NOL11: variants seen among roughly 807,000 people sequenced by gnomAD.
NOL11 encodes the protein nucleolar protein 11.
In NOL11, 42 loss-of-function variants were observed where a neutral mutation model predicts 93.0. That is an observed-to-expected ratio of 0.45 (90% CI 0.35 to 0.58). The LOEUF (loss-of-function observed/expected upper bound fraction) is 0.58, where lower values mean the gene tolerates loss of function less well. NOL11 is among the 20% of genes least tolerant of loss of function. NOL11 has a pLI of 0.00. For synonymous variants in NOL11, 296 were observed against 293.7 expected (o/e 1.01, Z -0.08); for missense variants, 775 against 841.8 (o/e 0.92, Z 0.98).
chr17:67,728,867 A>G (rs545003236), intron 7 of NOL11, among the ~76,000 whole-genome samples: 1 of 152,348 alleles, frequency 6.6e-6, no homozygotes, highest in African/African-American at 2.4e-5. Context: ...TCCCATTGCC[A>G]GACATGAACC....
At chr17:67,732,457 C>T (rs922794411) in intron 7 of NOL11, among the ~76,000 whole-genome samples, 1 of 146,144 alleles carries the variant, frequency 6.8e-6, no homozygotes, top group Non-Finnish European at 1.5e-5. Flanking sequence ...CACCACTGCA[C>T]TCCAGCCTGG....
intron 6 of NOL11, among the ~76,000 whole-genome samples, chr17:67,726,177 A>G (rs2055090261): frequency 6.6e-6 from 1 of 152,210 alleles, no homozygotes; most frequent in African/African-American, 2.4e-5. Context: ...TAGATGATCT[A>G]TATTCTTGGG....
chr17:67,729,673 G>T lies in NOL11; in HGVS notation c.853+3025G>T, dbSNP rs879479224. Among the ~76,000 whole-genome samples, 35 of 152,156 alleles carry T rather than the reference G, an allele frequency of 2.3e-4. 1 individual carries two copies. The highest frequency in any genetic ancestry group is 1.4e-3 in the East Asian group (7 of 5,170). ...GGCTCACTGCAAGCTCCGCCCCCCG[G>T]GTTCATGCCATTCCCCTGACTCAGC... On this transcript the variant is annotated intron_variant, in intron 7 of 17. Coordinates refer to ENST00000253247, the MANE Select transcript of NOL11 (RefSeq NM_015462.5).
At chr17:67,724,411 G>C (rs1422080878) in intron 6 of NOL11, among the ~76,000 whole-genome samples, 1 of 147,448 alleles carries the variant, frequency 6.8e-6, no homozygotes, top group Non-Finnish European at 1.5e-5. Flanking sequence ...TCTGCTCACT[G>C]CAACCTCTGC....
chr17:67,735,507 T>C (rs750624210), intron 8 of NOL11, among the ~76,000 whole-genome samples: 2 of 152,074 alleles, frequency 1.3e-5, no homozygotes, highest in Non-Finnish European at 1.5e-5. Context: ...CATACCTGTC[T>C]TATTTTTACA....
intron 13 of NOL11, 48 bp from the exon 14 acceptor site, chr17:67,738,074 A>G (rs373782295): frequency 2.6e-6 from 4 of 1,550,546 alleles, no homozygotes; most frequent in African/African-American, 1.4e-5. Context: ...ATTTTTCCCA[A>G]AAGCTTGGTG....
In NOL11 at chr17:67,743,524, G is replaced by T; in HGVS notation, c.1981G>T (p.Val661Phe). The T allele has an allele frequency of 1.2e-6, 2 of 1,603,272 alleles. No individual in the cohort carries two copies. Among genetic ancestry groups the T allele is most frequent in the Non-Finnish European group, 1.7e-6 (2 of 1,172,380 alleles). ...CLLLDANFTVVVMMPEAKRLL... is the reference protein window; with the variant it reads ...CLLLDANFTVFVMMPEAKRLL... Reference sequence around the variant, plus strand: ...ACTTCTGGATGCAAATTTTACTGTTGTTGTAATGATGCCAGAAGCAAAGAG... The same window carrying T: ...ACTTCTGGATGCAAATTTTACTGTTTTTGTAATGATGCCAGAAGCAAAGAG... Residue 661 changes from valine to phenylalanine, a missense_variant, in exon 17 of 18, where the codon GTT (valine) becomes TTT (phenylalanine). By Grantham distance (50) the Val-to-Phe change is conservative. Coordinates refer to ENST00000253247, the MANE Select transcript of NOL11 (RefSeq NM_015462.5).
chr17:67,731,565 C>G (rs1024755667), intron 7 of NOL11, among the ~76,000 whole-genome samples: 1 of 152,186 alleles, frequency 6.6e-6, no homozygotes, highest in Non-Finnish European at 1.5e-5. Flanking sequence ...ATTTTTCTTT[C>G]GTTGCTTGTG....
At chr17:67,738,784 G>A (rs2055227631) in intron 14 of NOL11, 148 bp from the exon 15 acceptor site, 4 of 592,114 alleles carry the variant, frequency 6.8e-6, no homozygotes, top group East Asian at 2.8e-5. Flanking sequence ...GATCTCCAAT[G>A]ATTAGGAGAG....
chr17:67,741,152 C>G lies in NOL11; in HGVS notation c.1935+1544C>G, dbSNP rs147836590. ...TGGCACGATCTCGGCTCACTGCAAC[C>G]TCCGCCTCCAGGGTTCAAGTGATTC... is the stretch of plus-strand genomic sequence containing the variant. On this transcript the variant is annotated intron_variant, in intron 16 of 17. Coordinates refer to ENST00000253247, the MANE Select transcript of NOL11 (RefSeq NM_015462.5). 6.5e-3 allele frequency among the ~76,000 whole-genome samples: 989 copies of G among 152,256 alleles called. 11 individuals carry two copies. The highest frequency in any genetic ancestry group is 0.023 in the African/African-American group (952 of 41,546).
At chr17:67,735,545 G>T in intron 8 of NOL11, among the ~76,000 whole-genome samples, 1 of 149,980 alleles carries the variant, frequency 6.7e-6, no homozygotes. Context: ...GTTAAATTCC[G>T]GTTTGTAAAT....
intron 8 of NOL11, among the ~76,000 whole-genome samples, chr17:67,735,363 CTA>C (rs1285917871): frequency 2.0e-5 from 3 of 151,066 alleles, no homozygotes; most frequent in South Asian, 2.1e-4. Flanking sequence ...GTAATTTTAA[CTA>C]TTCACAATTT....
chr17:67,722,901 G>C (rs1382702244), intron 5 of NOL11, among the ~76,000 whole-genome samples: 2 of 152,078 alleles, frequency 1.3e-5, no homozygotes, highest in Admixed American at 1.3e-4. Context: ...TATTGCTCAG[G>C]CTGGTCTCGA....
intron 7 of NOL11, among the ~76,000 whole-genome samples, chr17:67,733,216 T>C (rs1490320211): frequency 2.6e-5 from 4 of 151,822 alleles, no homozygotes; most frequent in African/African-American, 7.3e-5. Flanking sequence ...ATTACAAAAA[T>C]TAGCTGGGCG....
rs1016079435 is a variant in NOL11 at position 67,738,446 on chromosome 17, G to A, written c.1763+91G>A. The A allele has an allele frequency of 8.8e-6, 7 of 795,182 alleles. No homozygotes were observed. In the African/African-American group the frequency reaches 1.2e-4, roughly 14 times the overall value. The allele number at this position is 795,182 out of a possible 1,614,324, so 49.3% of individuals were successfully genotyped here. ...ACCAAGGAGTAACTCAATAATTTAAGGTTTTTCTTTCCTTTTCCAATTGTT... is the reference window on the plus strand; with the variant it reads ...ACCAAGGAGTAACTCAATAATTTAAAGTTTTTCTTTCCTTTTCCAATTGTT... On this transcript the variant is annotated intron_variant, in intron 14 of 17. Transcript: ENST00000253247.
intron 15 of NOL11, 74 bp from the exon 16 acceptor site, chr17:67,739,442 T>A: frequency 1.2e-6 from 1 of 852,496 alleles, no homozygotes; most frequent in Non-Finnish European, 1.8e-6. Flanking sequence ...TTTTTTTCAA[T>A]CTTCGTGATG....
intron 1 of NOL11, 60 bp downstream of exon 1, chr17:67,718,148 G>A (rs2043190137): frequency 6.3e-7 from 1 of 1,585,008 alleles, no homozygotes; most frequent in South Asian, 1.1e-5. Context: ...TGAGCGCGGA[G>A]CTCGAGCTCA....
At chr17:67,726,097 CAAG>C (rs1247148143) in intron 6 of NOL11, among the ~76,000 whole-genome samples, 2 of 152,016 alleles carry the variant, frequency 1.3e-5, no homozygotes, top group African/African-American at 2.4e-5. Flanking sequence ...AAAAAACAAA[CAAG>C]AAAGAAAGGT....
intron 15 of NOL11, 135 bp downstream of exon 15, chr17:67,739,145 CAAA>C: frequency 1.5e-6 from 1 of 660,706 alleles, no homozygotes; most frequent in South Asian, 2.0e-5. Context: ...GCTCTAATGG[CAAA>C]AAATTGTGCT....
Sources: allele counts gnomAD v4.1 joint callset (sites outside exome capture counted in the v4.1 genomes callset), GRCh38; gene constraint gnomAD v4.1.1; transcripts MANE v1.5; gene names NCBI Gene and HGNC (gene_info 2026-07-23, HGNC 2026-07-21).